Variants in LHFPL3 observed in about 807,000 individuals in gnomAD.
LHFPL3 encodes the protein LHFPL tetraspan subfamily member 3, also known as LHFPL tetraspan subfamily member 3 protein.
In LHFPL3, 5 loss-of-function variants were observed where a neutral mutation model predicts 19.3. The ratio of observed to expected loss-of-function variants is 0.26; its 90% CI spans 0.14 to 0.54. LHFPL3 has a LOEUF of 0.54. Among genes scored for constraint, LHFPL3 ranks in the 20% least tolerant of loss-of-function variants. LHFPL3 has a pLI of 0.94. For missense variants in LHFPL3, 249 were observed against 307.4 expected, an observed-to-expected ratio of 0.81 and a Z score of 1.42; for synonymous variants, 133 against 126.2, an observed-to-expected ratio of 1.05 and a Z score of -0.36.
At chr7:104,366,136 C>T (rs1464873074) in intron 1 of LHFPL3, among the ~76,000 whole-genome samples, 1 of 152,096 alleles carries the variant, frequency 6.6e-6, no homozygotes, top group African/African-American at 2.4e-5. Flanking sequence ...GAGCAGAGAG[C>T]GTTCTTTGGG....
intron 1 of LHFPL3, among the ~76,000 whole-genome samples, chr7:104,576,704 C>T (rs922519699): frequency 2.0e-5 from 3 of 151,882 alleles, no homozygotes; most frequent in African/African-American, 7.3e-5. Context: ...TTTCATGGAC[C>T]CTGTAGCCCC....
chr7:104,470,391 C>T lies in LHFPL3; in HGVS notation c.445+141167C>T, dbSNP rs148813443. Among the ~76,000 whole-genome samples, 74 of 152,294 alleles carry T rather than the reference C, an allele frequency of 4.9e-4. No individual in the cohort carries two copies. The East Asian group carries it at 0.013, about 27-fold the overall frequency. On this transcript the variant is annotated intron_variant, in intron 1 of 2. Coordinates refer to ENST00000424859, the MANE Select transcript of LHFPL3 (RefSeq NM_199000.3). ...CTTTGCAAGCCTCTGTTTCCCACAT[C>T]GACCCATTCATGTAGCATACTGTGT...
intron 1 of LHFPL3, among the ~76,000 whole-genome samples, chr7:104,513,603 G>A (rs1023023252): frequency 5.9e-5 from 9 of 152,280 alleles, no homozygotes; most frequent in Admixed American, 2.6e-4. Context: ...TGCATCAAGC[G>A]GAGGCAATAA....
At chr7:104,587,935 T>G (rs1173599775) in intron 1 of LHFPL3, among the ~76,000 whole-genome samples, 1 of 152,238 alleles carries the variant, frequency 6.6e-6, no homozygotes, top group Admixed American at 6.5e-5. Flanking sequence ...GAAGTGTCTG[T>G]TCATATCTTT....
intron 1 of LHFPL3, among the ~76,000 whole-genome samples, chr7:104,463,759 A>T (rs558494447): frequency 2.0e-5 from 3 of 152,206 alleles, no homozygotes; most frequent in Admixed American, 6.5e-5. Flanking sequence ...CCATGATTCA[A>T]TTACCTTCCA....
intron 2 of LHFPL3, among the ~76,000 whole-genome samples, 173 bp downstream of exon 2, chr7:104,737,084 A>G (rs949816195): frequency 6.6e-6 from 1 of 152,206 alleles, no homozygotes; most frequent in Non-Finnish European, 1.5e-5. Context: ...AGCTTACACA[A>G]TAAAAATATA....
At chr7:104,815,805 G>A (rs1790550744) in intron 2 of LHFPL3, among the ~76,000 whole-genome samples, 1 of 152,140 alleles carries the variant, frequency 6.6e-6, no homozygotes, top group Non-Finnish European at 1.5e-5. Flanking sequence ...TGCACACATG[G>A]CTTATTGGGA....
intron 1 of LHFPL3, among the ~76,000 whole-genome samples, chr7:104,495,550 A>AT (rs967455358): frequency 1.6e-4 from 24 of 152,086 alleles, no homozygotes; most frequent in Non-Finnish European, 2.1e-4. Flanking sequence ...CGCTTGGCTA[A>AT]TTTTTTGTAT....
chr7:104,833,323 A>T (rs867768903), intron 2 of LHFPL3, among the ~76,000 whole-genome samples: 19 of 19,024 alleles, frequency 1.0e-3, no homozygotes, highest in Middle Eastern at 0.045. Context: ...TATATATATT[A>T]TATATATAAT....
intron 1 of LHFPL3, among the ~76,000 whole-genome samples, chr7:104,509,514 ATT>A (rs1297700595): frequency 1.3e-5 from 2 of 152,152 alleles, no homozygotes; most frequent in Non-Finnish European, 2.9e-5. Flanking sequence ...TAGAAAAAGC[ATT>A]TGATAAAAGT....
intron 2 of LHFPL3, among the ~76,000 whole-genome samples, chr7:104,769,170 G>A (rs1188850885): frequency 6.6e-6 from 1 of 152,230 alleles, no homozygotes. Flanking sequence ...CAGTTGAGCT[G>A]TGTTCAATTG....
intron 1 of LHFPL3, among the ~76,000 whole-genome samples, chr7:104,635,878 G>C (rs940546125): frequency 2.0e-5 from 3 of 152,154 alleles, no homozygotes; most frequent in Non-Finnish European, 2.9e-5. Flanking sequence ...ATCCAGGAGG[G>C]AAATGGGTCA....
At chr7:104,373,230 A>G (rs1476178557) in intron 1 of LHFPL3, among the ~76,000 whole-genome samples, 1 of 152,162 alleles carries the variant, frequency 6.6e-6, no homozygotes, top group Non-Finnish European at 1.5e-5. Context: ...CTTTAAGCCA[A>G]TTTTTCAAGA....
intron 1 of LHFPL3, among the ~76,000 whole-genome samples, chr7:104,515,513 A>G (rs1793904234): frequency 6.6e-6 from 1 of 152,198 alleles, no homozygotes; most frequent in Non-Finnish European, 1.5e-5. Flanking sequence ...AAGAAGCTCT[A>G]GCAGTGAAAA....
intron 1 of LHFPL3, among the ~76,000 whole-genome samples, chr7:104,430,439 T>TATATATATATAC (rs1791970625): frequency 5.6e-5 from 1 of 17,784 alleles, no homozygotes; most frequent in Non-Finnish European, 9.8e-5. Context: ...TATATATATA[T>TATATATATATAC]ATATATATAT....
At chr7:104,433,347 G>T (rs1478424407) in intron 1 of LHFPL3, among the ~76,000 whole-genome samples, 1 of 152,124 alleles carries the variant, frequency 6.6e-6, no homozygotes, top group Non-Finnish European at 1.5e-5. Context: ...CTTCACAAAT[G>T]CCCTGAAGAT....
intron 1 of LHFPL3, among the ~76,000 whole-genome samples, chr7:104,365,889 G>A (rs1421783365): frequency 2.0e-5 from 3 of 152,006 alleles, no homozygotes; most frequent in Non-Finnish European, 1.5e-5. Context: ...TAGAGAAAAG[G>A]TTTGGAACAA....
Position 104,815,232 on chromosome 7 carries a change from C to T in LHFPL3, c.682+78321C>T, listed in dbSNP as rs182770623. The stretch of plus-strand genomic sequence containing the variant: ...CCCAGCTCTTGCTGGCTCCATGGAG[C>T]GAACAGCCCCCACCCCGCCTCCCTG... On this transcript the variant is annotated intron_variant, in intron 2 of 2. Transcript: ENST00000424859. Among the ~76,000 whole-genome samples the T allele has an allele frequency of 5.9e-3, 905 of 152,284 alleles. 5 individuals are homozygous for T. The highest frequency in any genetic ancestry group is 0.01 in the Middle Eastern group (3 of 294).
chr7:104,450,363 T>C (rs1187967546), intron 1 of LHFPL3, among the ~76,000 whole-genome samples: 2 of 152,206 alleles, frequency 1.3e-5, no homozygotes, highest in African/African-American at 4.8e-5. Flanking sequence ...AACTCATCCT[T>C]TTTTATGGCT....
Sources: gnomAD v4.1 joint callset for allele counts (sites outside exome capture counted in the v4.1 genomes callset) on GRCh38, gnomAD v4.1.1 for gene constraint, MANE v1.5 for transcripts, NCBI Gene and HGNC (gene_info 2026-07-23, HGNC 2026-07-21) for gene names.